CCDC14: variants seen among roughly 807,000 people sequenced by gnomAD.
CCDC14 encodes the protein coiled-coil domain containing 14, also known as coiled-coil domain-containing protein 14.
CCDC14 carries 71 observed loss-of-function variants against 81.4 expected under a neutral mutation model. The observed-to-expected ratio is 0.87, with a 90% confidence interval of 0.72 to 1.06. The LOEUF is 1.06. CCDC14 is among the 50% of genes least tolerant of loss of function. The pLI is 0.00. For missense variants in CCDC14, 1,046 were observed against 1,047.3 expected (o/e 1.00, Z 0.02); for synonymous variants, 332 against 364.8 (o/e 0.91, Z 1.03).
At position 123,948,700 on chromosome 3, in the gene CCDC14, C is replaced by T; in HGVS notation, c.675G>A (p.Lys225=). 6.3e-7 allele frequency: 1 copy of T among 1,599,274 alleles called. No individual in the cohort carries two copies. Among genetic ancestry groups the T allele is most frequent in the Non-Finnish European group, 8.5e-7 (1 of 1,175,934 alleles). ...WSLQRPPCPP[K]VHSEVQTDGN... is the part of the protein sequence containing the mutation. ...TAAGAACTGTACGCACAGAATGAAC[C>T]TTTGGAGGGCAGGGTGGCCGCTGAA... The change falls in exon 7 of 13, where the codon AAG becomes AAA. Residue 225 remains lysine, a synonymous_variant. Coordinates refer to ENST00000409697, the MANE Select transcript of CCDC14 (RefSeq NM_001366335.1).
At chr3:123,930,276 A>AG (rs999430205) in intron 12 of CCDC14, among the ~76,000 whole-genome samples, 6 of 152,178 alleles carry the variant, frequency 3.9e-5, no homozygotes, top group African/African-American at 1.4e-4. Context: ...ATTCAAAATG[A>AG]GGGGGGAAGT....
chr3:123,905,530 G>A lies in CCDC14; in HGVS notation c.668-7917C>T, dbSNP rs117947236. ...CCCAATCCTATGGGAGGAAGCTCTTGAAAAATGAGTAGAGCTCAGGAAAAA... is the reference window on the plus strand; with the variant it reads ...CCCAATCCTATGGGAGGAAGCTCTTAAAAAATGAGTAGAGCTCAGGAAAAA... On this transcript the variant is annotated intron_variant, in intron 5 of 5. Transcript: ENST00000479903. Among the ~76,000 whole-genome samples the A allele has an allele frequency of 4.6e-4, 70 of 152,164 alleles. No individual in the cohort carries two copies. In the East Asian group the frequency reaches 0.013, roughly 28 times the overall value.
chr3:123,927,249 T>TAAA (rs34679177), intron 12 of CCDC14, among the ~76,000 whole-genome samples: 36 of 124,304 alleles, frequency 2.9e-4, no homozygotes, highest in Non-Finnish European at 4.2e-4. Context: ...CTACTAAAAG[T>TAAA]AAAAAAAAAA....
chr3:123,954,995 C>G (rs1395015097), intron 5 of CCDC14: 1 of 152,142 alleles, frequency 6.6e-6, no homozygotes, highest in African/African-American at 2.4e-5. Flanking sequence ...AGTTCTCTAC[C>G]TTGGGACTAT....
the CCDC14 span, among the ~76,000 whole-genome samples, chr3:123,887,090 T>C: frequency 6.6e-6 from 1 of 152,206 alleles, no homozygotes; most frequent in Admixed American, 6.5e-5. Context: ...TTTTGATTCT[T>C]GAAAACAGTT....
chr3:123,891,559 A>G, the CCDC14 span, among the ~76,000 whole-genome samples: 1 of 152,244 alleles, frequency 6.6e-6, no homozygotes, highest in South Asian at 2.1e-4. Flanking sequence ...TCTCTTTGCT[A>G]AAACATAACA....
At chr3:123,918,837 T>C (rs2034867234) in intron 12 of CCDC14, among the ~76,000 whole-genome samples, 8 of 152,138 alleles carry the variant, frequency 5.3e-5, no homozygotes, top group Admixed American at 5.2e-4. Context: ...CTCCTGCCAA[T>C]GGAAGCATCA....
At chr3:123,958,339 T>C (rs1039968381) in intron 1 of CCDC14, 1 of 152,130 alleles carries the variant, frequency 6.6e-6, no homozygotes, top group Non-Finnish European at 1.5e-5. Flanking sequence ...AACTGTAAGA[T>C]TACATATGGT....
At chr3:123,890,528 A>G in the CCDC14 span, among the ~76,000 whole-genome samples, 7 of 152,224 alleles carry the variant, frequency 4.6e-5, no homozygotes, top group African/African-American at 1.7e-4. Flanking sequence ...TAAAGGGACT[A>G]TAGGCCCCAT....
chr3:123,960,987 G>A lies in CCDC14; in HGVS notation c.30+157C>T, dbSNP rs557568052. 2.2e-4 allele frequency among the ~76,000 whole-genome samples: 33 copies of A among 152,242 alleles called. No individual in the cohort carries two copies. In the South Asian group the frequency reaches 4.8e-3, roughly 22 times the overall value. Reference sequence around the variant, plus strand: ...AGAGACCGAGCGGCCGTGTTACGACGGGAAGATTAGGTGTTCCCTGCACCT... The same window carrying A: ...AGAGACCGAGCGGCCGTGTTACGACAGGAAGATTAGGTGTTCCCTGCACCT... On this transcript the variant is annotated intron_variant, in intron 1 of 12. Transcript: ENST00000409697.
At position 123,944,884 on chromosome 3, in the gene CCDC14, C is replaced by T; in HGVS notation, c.1308G>A (p.Met436Ile). Residue 436 changes from methionine (M) to isoleucine (I), a missense_variant, in exon 9 of 13, where the codon ATG becomes ATA. By Grantham distance (10) the Met-to-Ile change is conservative. Coordinates refer to ENST00000409697, the MANE Select transcript of CCDC14 (RefSeq NM_001366335.1). ...GAGCATTCTCACTTCTTAATGGTTG[C>T]ATGGCCAGTGCTATCTCAACTTGAA... The part of the protein sequence containing the change: ...TDIQVEIALA[M>I]QPLRSENAQL... The T allele has an allele frequency of 6.2e-7, 1 of 1,611,566 alleles. No homozygotes were observed. Among genetic ancestry groups the T allele is most frequent in the Non-Finnish European group, 8.5e-7 (1 of 1,178,338 alleles).
At chr3:123,956,330 G>A (rs1269420130) in intron 3 of CCDC14, 25 bp downstream of exon 3, 2 of 1,462,800 alleles carry the variant, frequency 1.4e-6, no homozygotes, top group East Asian at 5.0e-5. Flanking sequence ...TTAAAATAGT[G>A]TGTATTGTAT....
chr3:123,954,248 CA>C (rs1480381325), intron 5 of CCDC14: 1 of 152,188 alleles, frequency 6.6e-6, no homozygotes, highest in Non-Finnish European at 1.5e-5. Flanking sequence ...CAGGGTTTAG[CA>C]CTCTTTCTTC....
intron 9 of CCDC14, among the ~76,000 whole-genome samples, chr3:123,936,838 C>T (rs986396936): frequency 6.6e-6 from 1 of 152,008 alleles, no homozygotes; most frequent in Non-Finnish European, 1.5e-5. Flanking sequence ...ACCCTCAAAG[C>T]TAAAAATTTT....
At chr3:123,891,564 A>G in the CCDC14 span, among the ~76,000 whole-genome samples, 3 of 152,234 alleles carry the variant, frequency 2.0e-5, no homozygotes, top group African/African-American at 4.8e-5. Context: ...TTGCTAAAAC[A>G]TAACAAGAGT....
intron 7 of CCDC14, among the ~76,000 whole-genome samples, chr3:123,948,396 C>G (rs1275622258): frequency 2.6e-5 from 4 of 152,090 alleles, no homozygotes; most frequent in African/African-American, 9.7e-5. Context: ...CATGTGCCAC[C>G]ATGCCCAGCT....
intron 5 of CCDC14, among the ~76,000 whole-genome samples, chr3:123,906,879 C>T (rs976780793): frequency 9.2e-5 from 14 of 152,204 alleles, no homozygotes; most frequent in Non-Finnish European, 1.8e-4. Context: ...ATTTTGCCTT[C>T]ATTTCTGAGA....
In CCDC14 at chr3:123,915,658, G is replaced by T. The variant is rs773637830; in HGVS notation, c.1839C>A (p.Cys613Ter). Reference sequence around the variant, plus strand: ...ATTTGGTAAGGTTATTCCCAGGCTTGCAGCGAGCACTGTCCACACTAAGAT... The same window carrying T: ...ATTTGGTAAGGTTATTCCCAGGCTTTCAGCGAGCACTGTCCACACTAAGAT... ...LSDLSVDSAR[C>*]KPGNNLTKSL... The change falls in exon 13 of 13, where the codon TGC (cysteine) becomes TGA (stop). Residue 613 changes from cysteine (C) to a stop codon, truncating the protein, a stop_gained. Coordinates refer to ENST00000409697, the MANE Select transcript of CCDC14 (RefSeq NM_001366335.1). LOFTEE classifies it low-confidence loss of function (END_TRUNC). 3.1e-6 allele frequency: 5 copies of T among 1,614,004 alleles called. No homozygotes were observed. The highest frequency in any genetic ancestry group is 4.2e-6 in the Non-Finnish European group (5 of 1,179,894).
At chr3:123,911,941 A>G (rs561734135), downstream of CCDC14, among the ~76,000 whole-genome samples, 1 of 152,292 alleles carries the variant, frequency 6.6e-6, no homozygotes, top group African/African-American at 2.4e-5. Context: ...AAGATTTACT[A>G]AACTCCAGGG....
Sources: gnomAD v4.1 joint callset for allele counts (sites outside exome capture counted in the v4.1 genomes callset) on GRCh38, gnomAD v4.1.1 for gene constraint, MANE v1.5 for transcripts, NCBI Gene and HGNC (gene_info 2026-07-23, HGNC 2026-07-21) for gene names.